Variants in ORC6 observed in about 807,000 individuals in gnomAD.
ORC6 encodes origin recognition complex subunit 6.
ORC6 carries 31 observed loss-of-function variants against 30.0 expected under a neutral mutation model. The ratio of observed to expected loss-of-function variants is 1.03; its 90% CI spans 0.78 to 1.40. The LOEUF is 1.40. Ranked by LOEUF, ORC6 falls within the 40% of genes most tolerant of loss-of-function variation. The pLI is 0.00. For synonymous variants in ORC6, 136 were observed against 111.2 expected (o/e 1.22, Z -1.40); for missense variants, 340 against 304.3 (o/e 1.12, Z -0.87).
At chr16:46,692,689 G>A (rs796458545) in intron 3 of ORC6, 144 bp downstream of exon 3, 1 of 697,126 alleles carries the variant, frequency 1.4e-6, no homozygotes, top group East Asian at 2.8e-5. Flanking sequence ...CCAACATGGT[G>A]AAACCCCATT....
chr16:46,696,936 T>A (rs1396680472), intron 6 of ORC6, among the ~76,000 whole-genome samples: 1 of 152,244 alleles, frequency 6.6e-6, no homozygotes, highest in Non-Finnish European at 1.5e-5. Context: ...ATTACAGGCA[T>A]GAGCCACTAT....
Position 46,693,114 on chromosome 16 carries a change from G to C in ORC6, c.381G>C (p.Gln127His), listed in dbSNP as rs150707183. The change falls in exon 4 of 7, where the codon CAG (glutamine) becomes CAC (histidine). Residue 127 changes from glutamine to histidine, a missense_variant. Transcript: ENST00000219097. ...ILKSYESSLP[Q>H]TQQVDLDLSR... is the part of the protein sequence containing the mutation. ...TTAGCTATGAGTCCAGTCTTCCCCA[G>C]ACACAGCAAGTGGATCTTGACTTAT... 1.9e-6 allele frequency: 3 copies of C among 1,611,726 alleles called. No individual in the cohort carries two copies. The African/African-American group carries it at 4.0e-5, about 21-fold the overall frequency.
intron 4 of ORC6, chr16:46,695,358 A>G: frequency 1.7e-6 from 1 of 574,694 alleles, no homozygotes; most frequent in Admixed American, 3.1e-5. Context: ...TTGTTATAAA[A>G]TAGATCCCAT....
intron 4 of ORC6, chr16:46,695,115 A>C (rs1966504555): frequency 4.7e-6 from 1 of 211,396 alleles, no homozygotes; most frequent in Non-Finnish European, 9.5e-6. Context: ...GTCTATTCTG[A>C]AGAAAAAGTT....
chr16:46,695,776 T>C (rs1966512013), intron 5 of ORC6, 102 bp downstream of exon 5: 1 of 815,878 alleles, frequency 1.2e-6, no homozygotes, highest in Admixed American at 2.0e-5. Context: ...CTTCCTAAAT[T>C]CCGTATTACA....
At chr16:46,696,401 C>T (rs914471716) in intron 6 of ORC6, among the ~76,000 whole-genome samples, 52 of 152,274 alleles carry the variant, frequency 3.4e-4, no homozygotes, top group African/African-American at 1.2e-3. Flanking sequence ...TAAACCTGGG[C>T]ATGGTCTGAT....
rs1337008611 is a variant in ORC6 at position 46,695,419 on chromosome 16, A to AAT, written c.450-141_450-140dup. 13 of 656,866 alleles carry AAT rather than the reference A, an allele frequency of 2.0e-5. No individual in the cohort carries two copies. The African/African-American group carries it at 2.4e-4, about 12-fold the overall frequency. 40.7% of individuals were successfully genotyped at this position (656,866 alleles called of 1,614,324 possible). A position where few individuals can be genotyped will look rare whatever the true frequency, so the allele number is the denominator to read the frequency against. On this transcript the variant is annotated intron_variant, in intron 4 of 6. Transcript: ENST00000219097. ...AACAACTAAACAACTTAGCATAGAT[A>AAT]ATAACATGTTTGGAATGAAGGAAAA...
rs1440238693 is a variant in ORC6, at chr16:46,696,089, A to G, written c.631+4A>G. The G allele has an allele frequency of 1.5e-5, 24 of 1,602,444 alleles. No homozygotes were observed. The highest frequency in any genetic ancestry group is 1.9e-5 in the Non-Finnish European group (22 of 1,169,286). On this transcript the variant is annotated splice_donor_region_variant and intron_variant, in intron 6 of 6. Coordinates refer to ENST00000219097, the MANE Select transcript of ORC6 (RefSeq NM_014321.4). ...GTGGTTGAAGCCCCAGCAAAGGGTA[A>G]GTTTTACTAACACGGTACTGACGTT...
intron 4 of ORC6, chr16:46,693,599 A>G: frequency 5.3e-6 from 1 of 189,836 alleles, no homozygotes; most frequent in South Asian, 9.4e-5. Context: ...AAGGAGTTCA[A>G]GACTAGCCTA....
intron 4 of ORC6, chr16:46,693,519 G>A: frequency 2.8e-6 from 1 of 354,062 alleles, no homozygotes; most frequent in Non-Finnish European, 5.4e-6. Flanking sequence ...AGTACTGGTT[G>A]GGCCAGGCGT....
At chr16:46,696,372 T>C (rs1170450405) in intron 6 of ORC6, among the ~76,000 whole-genome samples, 1 of 152,172 alleles carries the variant, frequency 6.6e-6, no homozygotes, top group Admixed American at 6.5e-5. Context: ...CCTGGGCAGC[T>C]ACAGCTAGGT....
chr16:46,696,066 G>A lies in ORC6; in HGVS notation c.612G>A (p.Val204=). The A allele has an allele frequency of 6.2e-7, 1 of 1,612,908 alleles. No homozygotes were observed. The highest frequency in any genetic ancestry group is 8.5e-7 in the Non-Finnish European group (1 of 1,178,832). ...CACCACGGAAGAGAAAGAAGATAGTGGTTGAAGCCCCAGCAAAGGGTAAGT... is the reference window on the plus strand; with the variant it reads ...CACCACGGAAGAGAAAGAAGATAGTAGTTGAAGCCCCAGCAAAGGGTAAGT... The part of the protein sequence containing the change: ...ATPPRKRKKI[V]VEAPAKEMEK... The change falls in exon 6 of 7, where the codon GTG becomes GTA. Residue 204 remains valine (V), a synonymous_variant. Transcript: ENST00000219097.
chr16:46,697,690 CT>C lies in ORC6; in HGVS notation c.*106del, dbSNP rs747792390. The C allele has an allele frequency of 1.6e-6, 2 of 1,266,406 alleles. No individual in the cohort carries two copies. Among genetic ancestry groups the C allele is most frequent in the Non-Finnish European group, 2.3e-6 (2 of 870,392 alleles). The allele number at this position is 1,266,406 out of a possible 1,614,324, so 78.4% of individuals were successfully genotyped here. On this transcript the variant is annotated 3_prime_UTR_variant, in exon 7 of 7. Transcript: ENST00000219097. ...TGTTTAAACTTTTATAATAAGGATC[CT>C]AAGACTGTTGCCTTTAAATAGCAAA...
chr16:46,692,308 A>T, intron 2 of ORC6, 74 bp from the exon 3 acceptor site: 1 of 1,262,880 alleles, frequency 7.9e-7, no homozygotes. Flanking sequence ...CTGCTTATTA[A>T]ACAAGTGTTT....
Position 46,689,710 on chromosome 16 carries a change from G to C in ORC6, c.5G>C (p.Gly2Ala). Reference protein sequence around the residue: MGSELIGRLAPR... With the variant: MASELIGRLAPR... ...GTTCGCTTTAGTGCCGGCGCCATGG[G>C]GTCGGAGCTGATCGGGCGCCTAGCC... The change falls in exon 1 of 7, where the codon GGG becomes GCG. Residue 2 changes from glycine (G) to alanine (A), a missense_variant. Coordinates refer to ENST00000219097, the MANE Select transcript of ORC6 (RefSeq NM_014321.4). 6.2e-7 allele frequency: 1 copy of C among 1,601,558 alleles called. No homozygotes were observed. Among genetic ancestry groups the C allele is most frequent in the Non-Finnish European group, 8.5e-7 (1 of 1,174,146 alleles).
In ORC6 at chr16:46,696,533, G is replaced by C. The variant is rs1292962890; in HGVS notation, c.631+448G>C. Among the ~76,000 whole-genome samples, 4 of 152,192 alleles carry C rather than the reference G, an allele frequency of 2.6e-5. No individual in the cohort carries two copies. In the East Asian group the frequency reaches 7.7e-4, roughly 29 times the overall value. ...AGAAATGTTTCCAAGTTAGGTTCCAGTTTGCTTATAAGAGCTTTAGCTACA... is the reference window on the plus strand; with the variant it reads ...AGAAATGTTTCCAAGTTAGGTTCCACTTTGCTTATAAGAGCTTTAGCTACA... On this transcript the variant is annotated intron_variant, in intron 6 of 6. Transcript: ENST00000219097.
At chr16:46,693,351 A>G in intron 4 of ORC6, 169 bp downstream of exon 4, 1 of 627,760 alleles carries the variant, frequency 1.6e-6, no homozygotes. Context: ...CCCATAATGT[A>G]GCTAACAACT....
intron 1 of ORC6, 171 bp downstream of exon 1, chr16:46,689,941 A>G: frequency 3.2e-6 from 3 of 949,068 alleles, no homozygotes; most frequent in Non-Finnish European, 4.5e-6. Context: ...CGTGAGCTTG[A>G]ATGAGATGGC....
intron 6 of ORC6, 56 bp downstream of exon 6, chr16:46,696,141 T>C (rs1317927425): frequency 1.6e-6 from 2 of 1,239,788 alleles, no homozygotes; most frequent in African/African-American, 3.0e-5. Flanking sequence ...AACAGCCCAG[T>C]GCTGCTCTAG....
Sources: allele counts gnomAD v4.1 joint callset (sites outside exome capture counted in the v4.1 genomes callset), GRCh38; gene constraint gnomAD v4.1.1; transcripts MANE v1.5; gene names NCBI Gene and HGNC (gene_info 2026-07-23, HGNC 2026-07-21).